Variants in RXRB observed in about 807,000 individuals in gnomAD.
RXRB encodes retinoic acid receptor RXR-beta.
Under a neutral mutation model 52.5 loss-of-function variants are expected in RXRB, and 18 were observed. That is an observed-to-expected ratio of 0.34 (90% CI 0.24 to 0.51). The LOEUF (loss-of-function observed/expected upper bound fraction) is 0.51, where lower values mean the gene tolerates loss of function less well. Ranked by LOEUF, RXRB falls within the 20% of genes least tolerant of loss-of-function variation. The probability of loss-of-function intolerance (pLI) is 0.97; values close to 1 mark genes in which losing one functional copy is unlikely to be tolerated. For synonymous variants in RXRB, 233 were observed against 267.1 expected (o/e 0.87, Z 1.25); for missense variants, 455 against 698.2 (o/e 0.65, Z 3.92).
Position 33,193,978 on chromosome 6 carries a change from C to A in RXRB, c.*704G>T, listed in dbSNP as rs1773652827. The A allele has an allele frequency of 6.6e-6, 1 of 152,274 alleles. No individual in the cohort carries two copies. The highest frequency in any genetic ancestry group is 1.5e-5 in the Non-Finnish European group (1 of 68,088). The allele number at this position is 152,274 out of a possible 1,614,324, so 9.4% of individuals were successfully genotyped here. On this transcript the variant is annotated 3_prime_UTR_variant, in exon 10 of 10. Transcript: ENST00000374680. ...TGCCTTTCCCAAACACCCACCTCCA[C>A]CACTGGCATTTCTTAGTCAACCTGG...
upstream of RXRB, chr6:33,200,768 T>C: frequency 6.5e-7 from 1 of 1,534,170 alleles, no homozygotes; most frequent in Non-Finnish European, 8.8e-7. The surrounding 1 kb of genome is among the most constrained non-coding windows in gnomAD (Gnocchi z 6.3). Flanking sequence ...TCAAATCACC[T>C]CCACACTCGC....
In RXRB at chr6:33,196,279, C is replaced by T; in HGVS notation, c.993+155G>A. On this transcript the variant is annotated intron_variant, in intron 5 of 9. Coordinates refer to ENST00000374680, the MANE Select transcript of RXRB (RefSeq NM_021976.5). This position sits in a 1 kb window ranked among gnomAD's most constrained non-coding sequence, Gnocchi z 4.0. ...ACAGAAGGAGCTATCACATCCACCTCAGATGTTTGAAAGACCTTGTTTGGC... is the reference window on the plus strand; with the variant it reads ...ACAGAAGGAGCTATCACATCCACCTTAGATGTTTGAAAGACCTTGTTTGGC... 1 of 962,050 alleles carries T rather than the reference C, an allele frequency of 1.0e-6. No individual in the cohort carries two copies. The highest frequency in any genetic ancestry group is 1.7e-6 in the Non-Finnish European group (1 of 597,584). 59.6% of individuals were successfully genotyped at this position (962,050 alleles called of 1,614,324 possible).
chr6:33,194,933 G>A lies in RXRB; in HGVS notation c.1454+12C>T. On this transcript the variant is annotated intron_variant, in intron 9 of 9. Transcript: ENST00000374680. The surrounding 1 kb of genome is among the most constrained non-coding windows in gnomAD (Gnocchi z 4.1). ...CCCAAGGGAGCCTCAGTGCCCCCCA[G>A]CCCCATCTCACCGTCCCTGCTGCTC... 1.9e-6 allele frequency: 3 copies of A among 1,611,202 alleles called. No homozygotes were observed. Among genetic ancestry groups the A allele is most frequent in the Non-Finnish European group, 2.5e-6 (3 of 1,178,546 alleles).
rs1773723911 is a variant in RXRB, at chr6:33,194,414, G to A, written c.*268C>T. Reference sequence around the variant, plus strand: ...GTGCTGGGGGAAGGACAGAGGGTGAGAAATCACCCCAAATCATGGGAGAAC... The same window carrying A: ...GTGCTGGGGGAAGGACAGAGGGTGAAAAATCACCCCAAATCATGGGAGAAC... On this transcript the variant is annotated 3_prime_UTR_variant, in exon 10 of 10. Coordinates refer to ENST00000374680, the MANE Select transcript of RXRB (RefSeq NM_021976.5). This position sits in a 1 kb window ranked among gnomAD's most constrained non-coding sequence, Gnocchi z 4.1. 2 of 473,106 alleles carry A rather than the reference G, an allele frequency of 4.2e-6. No individual in the cohort carries two copies. Among genetic ancestry groups the A allele is most frequent in the African/African-American group, 2.0e-5 (1 of 51,178 alleles). 29.3% of individuals were successfully genotyped at this position (473,106 alleles called of 1,614,324 possible). A position where few individuals can be genotyped will look rare whatever the true frequency, so the allele number is the denominator to read the frequency against.
At position 33,195,085 on chromosome 6, in the gene RXRB, G is replaced by C. The variant is rs886268409; in HGVS notation, c.1349-35C>G. The C allele has an allele frequency of 1.4e-6, 2 of 1,480,112 alleles. No homozygotes were observed. Among genetic ancestry groups the C allele is most frequent in the African/African-American group, 2.8e-5 (2 of 72,378 alleles). The allele number at this position is 1,480,112 out of a possible 1,614,324, so 91.7% of individuals were successfully genotyped here. A position where few individuals can be genotyped will look rare whatever the true frequency, so the allele number is the denominator to read the frequency against. On this transcript the variant is annotated intron_variant, in intron 8 of 9. Coordinates refer to ENST00000374680, the MANE Select transcript of RXRB (RefSeq NM_021976.5). The surrounding 1 kb of genome is among the most constrained non-coding windows in gnomAD (Gnocchi z 8.6). ...CAGGGAAGAGAGGAGGAAGAGAAAT[G>C]AAGACAAACCAAATCAGGATGGCCA...
chr6:33,198,358 C>T lies in RXRB; in HGVS notation c.590G>A (p.Gly197Asp). The T allele has an allele frequency of 6.2e-7, 1 of 1,612,982 alleles. No individual in the cohort carries two copies. Among genetic ancestry groups the T allele is most frequent in the Non-Finnish European group, 8.5e-7 (1 of 1,179,958 alleles). The change falls in exon 3 of 10, where the codon GGC becomes GAC. Residue 197 changes from glycine to aspartate, a missense_variant. Gly to Asp is a moderately conservative substitution (Grantham distance 94, BLOSUM62 -1). Transcript: ENST00000374680. ...ACATAGCCGTTTGCCAGCCCCAGGGCCACCTGGAGGGGGTGGACAGTGCAG... is the reference window on the plus strand; with the variant it reads ...ACATAGCCGTTTGCCAGCCCCAGGGTCACCTGGAGGGGGTGGACAGTGCAG... The part of the protein sequence containing the change: ...RGLHCPPPPG[G>D]PGAGKRLCAI...
At position 33,194,965 on chromosome 6, in the gene RXRB, C is replaced by A; in HGVS notation, c.1434G>T (p.Lys478Asn). The change falls in exon 9 of 10, where the codon AAG (lysine) becomes AAT (asparagine). Residue 478 changes from lysine (K) to asparagine (N), a missense_variant. Transcript: ENST00000374680. This position sits in a 1 kb window ranked among gnomAD's most constrained non-coding sequence, Gnocchi z 4.1. ...CTCACCGTCCCTGCTGCTCAGGGTA[C>A]TTCTGTTTGCAGTAGGTCTCCAGTG... ...YASLETYCKQKYPEQQGRFAK... is the reference protein window; with the variant it reads ...YASLETYCKQNYPEQQGRFAK... 6.2e-7 allele frequency: 1 copy of A among 1,612,826 alleles called. No individual in the cohort carries two copies. The highest frequency in any genetic ancestry group is 8.5e-7 in the Non-Finnish European group (1 of 1,179,930).
Position 33,200,559 on chromosome 6 carries a change from G to GC in RXRB, c.-84dup. 2.7e-6 allele frequency: 4 copies of GC among 1,497,476 alleles called. No homozygotes were observed. Among genetic ancestry groups the GC allele is most frequent in the Non-Finnish European group, 3.6e-6 (4 of 1,123,730 alleles). The allele number at this position is 1,497,476 out of a possible 1,614,324, so 92.8% of individuals were successfully genotyped here. Reference sequence around the variant, plus strand: ...CGGAGGATTAGCTGAGCACGAGGAAGCCCCTGAGAGAAAGACTCTGGCCTG... The same window carrying GC: ...CGGAGGATTAGCTGAGCACGAGGAAGCCCCCTGAGAGAAAGACTCTGGCCTG... On this transcript the variant is annotated 5_prime_UTR_variant, in exon 1 of 10. Coordinates refer to ENST00000374680, the MANE Select transcript of RXRB (RefSeq NM_021976.5). The surrounding 1 kb of genome is among the most constrained non-coding windows in gnomAD (Gnocchi z 6.3).
At chr6:33,200,680 G>A, upstream of RXRB, 1 of 1,543,280 alleles carries the variant, frequency 6.5e-7, no homozygotes, top group Non-Finnish European at 8.7e-7. The surrounding 1 kb of genome is among the most constrained non-coding windows in gnomAD (Gnocchi z 6.3). Flanking sequence ...CTCGGCGCGA[G>A]TTCCCGCCCC....
chr6:33,198,538 A>C, intron 2 of RXRB, 74 bp from the exon 3 acceptor site: 2 of 1,396,388 alleles, frequency 1.4e-6, no homozygotes, highest in Non-Finnish European at 2.0e-6. Context: ...GATGGAAATC[A>C]TTCCCTACCA....
Position 33,195,838 on chromosome 6 carries a change from G to A in RXRB, c.1123+69C>T. 2.5e-6 allele frequency: 4 copies of A among 1,605,826 alleles called. No homozygotes were observed. The South Asian group carries it at 3.3e-5, about 13-fold the overall frequency. Reference sequence around the variant, plus strand: ...GGGTACGCAAGGTAAGGCCACTGGGGTCACTAAAGATCGGGAAGTCAAAGA... The same window carrying A: ...GGGTACGCAAGGTAAGGCCACTGGGATCACTAAAGATCGGGAAGTCAAAGA... On this transcript the variant is annotated intron_variant, in intron 6 of 9. Transcript: ENST00000374680. This position sits in a 1 kb window ranked among gnomAD's most constrained non-coding sequence, Gnocchi z 8.6.
Position 33,199,314 on chromosome 6 carries a change from A to C in RXRB, c.338T>G (p.Leu113Arg). 1.0e-6 allele frequency: 1 copy of C among 961,740 alleles called. No homozygotes were observed. Among genetic ancestry groups the C allele is most frequent in the South Asian group, 5.1e-5 (1 of 19,740 alleles). 59.6% of individuals were successfully genotyped at this position (961,740 alleles called of 1,614,324 possible). The change falls in exon 2 of 10, where the codon CTT becomes CGT. Residue 113 changes from leucine to arginine, a missense_variant. Transcript: ENST00000374680. ...PPLPPSTAPS[L>R]GGSGAPPPPP... is the part of the protein sequence containing the mutation. ...TGGGGGTGGGGCCCCAGAGCCTCCA[A>C]GGGATGGAGCTGTTGAAGGGGGTAG... is the stretch of plus-strand genomic sequence containing the variant.
intron 2 of RXRB, 119 bp downstream of exon 2, chr6:33,199,050 A>G: frequency 1.5e-6 from 1 of 664,162 alleles, no homozygotes; most frequent in South Asian, 6.0e-5. Flanking sequence ...CACAGGCCTG[A>G]CAAGGTTAGA....
Position 33,196,052 on chromosome 6 carries a change from GT to G in RXRB, c.994-17del. The G allele has an allele frequency of 6.2e-7, 1 of 1,612,916 alleles. No individual in the cohort carries two copies. Among genetic ancestry groups the G allele is most frequent in the Non-Finnish European group, 8.5e-7 (1 of 1,179,918 alleles). On this transcript the variant is annotated splice_polypyrimidine_tract_variant and intron_variant, in intron 5 of 9. Transcript: ENST00000374680. The surrounding 1 kb of genome is among the most constrained non-coding windows in gnomAD (Gnocchi z 4.0). Reference sequence around the variant, plus strand: ...GGTCATTTGGCTGCAGGGGACGGGGGTAAGAGTTATGGAAGATTTTGAGATA... The same window carrying G: ...GGTCATTTGGCTGCAGGGGACGGGGGAAGAGTTATGGAAGATTTTGAGATA...
Position 33,200,605 on chromosome 6 carries a change from G to T in RXRB, c.-129C>A. ...GCCTGGATTGGGTCGAATTAAGCCCGTCGCTCTGCTCAGTACCAAAATGAC... is the reference window on the plus strand; with the variant it reads ...GCCTGGATTGGGTCGAATTAAGCCCTTCGCTCTGCTCAGTACCAAAATGAC... On this transcript the variant is annotated 5_prime_UTR_variant, in exon 1 of 10. Transcript: ENST00000374680. The surrounding 1 kb of genome is among the most constrained non-coding windows in gnomAD (Gnocchi z 6.3). 1 of 1,492,296 alleles carries T rather than the reference G, an allele frequency of 6.7e-7. No homozygotes were observed. The highest frequency in any genetic ancestry group is 8.9e-7 in the Non-Finnish European group (1 of 1,121,090). The allele number at this position is 1,492,296 out of a possible 1,614,324, so 92.4% of individuals were successfully genotyped here. A position where few individuals can be genotyped will look rare whatever the true frequency, so the allele number is the denominator to read the frequency against.
In RXRB at chr6:33,200,289, G is replaced by C; in HGVS notation, c.188C>G (p.Pro63Arg). ...GTCCCGTCCAGCCTCCCCTGGCTCC[G>C]GCTCCGGGGTTTGTTGTTCTCCGCC... Reference protein sequence around the residue: ...VAGGEQQTPEPEPGEAGRDGM... With the variant: ...VAGGEQQTPEREPGEAGRDGM... The change falls in exon 1 of 10, where the codon CCG (proline) becomes CGG (arginine). Residue 63 changes from proline (P) to arginine (R), a missense_variant. By Grantham distance (103) the Pro-to-Arg change is moderately radical (BLOSUM62 -2). This residue lies in a region of RXRB where 225 missense variants were observed against 258.6 expected (regional missense o/e 0.87). Coordinates refer to ENST00000374680, the MANE Select transcript of RXRB (RefSeq NM_021976.5). This position sits in a 1 kb window ranked among gnomAD's most constrained non-coding sequence, Gnocchi z 6.3. The C allele has an allele frequency of 6.2e-7, 1 of 1,604,996 alleles. No individual in the cohort carries two copies.
Position 33,198,441 on chromosome 6 carries a change from A to G in RXRB, c.507T>C (p.Pro169=). ...CTTCAGGGGGGCCAGACCCACCCCC[A>G]GGGAGTGACACTGTTGAGTTAATCT... The part of the protein sequence containing the change: ...SPQINSTVSL[P]GGGSGPPEDV... The change falls in exon 3 of 10, where the codon CCT becomes CCC. Residue 169 remains proline, a synonymous_variant. Coordinates refer to ENST00000374680, the MANE Select transcript of RXRB (RefSeq NM_021976.5). 6.2e-7 allele frequency: 1 copy of G among 1,612,528 alleles called. No homozygotes were observed.
rs1583409101 is a variant in RXRB at position 33,195,798 on chromosome 6, C to G, written c.1124-96G>C. 1.3e-6 allele frequency: 2 copies of G among 1,597,820 alleles called. No homozygotes were observed. The highest frequency in any genetic ancestry group is 1.7e-6 in the Non-Finnish European group (2 of 1,171,582). On this transcript the variant is annotated intron_variant, in intron 6 of 9. Transcript: ENST00000374680. The surrounding 1 kb of genome is among the most constrained non-coding windows in gnomAD (Gnocchi z 8.6). Reference sequence around the variant, plus strand: ...AGGAGAAAAGAGGTGGCGAGGTCAGCAAGTTTGGCTCCCTGGGTACGCAAG... The same window carrying G: ...AGGAGAAAAGAGGTGGCGAGGTCAGGAAGTTTGGCTCCCTGGGTACGCAAG...
rs560501700 is a variant in RXRB, at chr6:33,199,431, T to C, written c.236-15A>G. 54 of 1,255,300 alleles carry C rather than the reference T, an allele frequency of 4.3e-5. No homozygotes were observed. In the East Asian group the frequency reaches 6.6e-4, roughly 15 times the overall value. The allele number at this position is 1,255,300 out of a possible 1,614,324, so 77.8% of individuals were successfully genotyped here. A position where few individuals can be genotyped will look rare whatever the true frequency, so the allele number is the denominator to read the frequency against. ...GCTTCGGGAGTCTGAGGGAGGGGTATGTACAGGCACACAGACACACAAGAG... is the reference window on the plus strand; with the variant it reads ...GCTTCGGGAGTCTGAGGGAGGGGTACGTACAGGCACACAGACACACAAGAG... On this transcript the variant is annotated splice_polypyrimidine_tract_variant and intron_variant, in intron 1 of 9. Coordinates refer to ENST00000374680, the MANE Select transcript of RXRB (RefSeq NM_021976.5).
Sources: allele counts gnomAD v4.1 joint callset, GRCh38; gene constraint gnomAD v4.1.1; regional missense constraint gnomAD v4.1.1; non-coding constraint Gnocchi (gnomAD v3.1); transcripts MANE v1.5; gene names NCBI Gene and HGNC (gene_info 2026-07-23, HGNC 2026-07-21).